The following SPTBN5 variants were observed in gnomAD, a reference collection of about 807,000 sequenced individuals.
SPTBN5 encodes spectrin beta chain, non-erythrocytic 5.
A neutral mutation model predicts 477.6 loss-of-function variants in SPTBN5; 513 were observed. The observed-to-expected ratio is 1.07, with a 90% CI of 1.00 to 1.16. SPTBN5 has a LOEUF of 1.16. Ranked by LOEUF, SPTBN5 falls within the 50% of genes most tolerant of loss-of-function variation. The pLI, the probability that SPTBN5 is intolerant of heterozygous loss-of-function variation, is 0.00. For synonymous variants in SPTBN5, 2,169 were observed against 2,011.7 expected (o/e 1.08, Z -2.09); for missense variants, 5,062 against 4,731.8 (o/e 1.07, Z -2.05).
Position 41,861,461 on chromosome 15 carries a change from C to T in SPTBN5, c.7773G>A (p.Trp2591Ter), listed in dbSNP as rs1373808310. The T allele has an allele frequency of 1.1e-5, 17 of 1,613,636 alleles. No individual in the cohort carries two copies. Among genetic ancestry groups the T allele is most frequent in the Non-Finnish European group, 1.4e-5 (17 of 1,179,898 alleles). ...FLSSVEKMER[W>*]LCSKEDSLAS... Reference sequence around the variant, plus strand: ...CTAGGGAGTCTTCCTTGCTGCAAAGCCAACGTTCCATCTTCTCCACTGAGC... The same window carrying T: ...CTAGGGAGTCTTCCTTGCTGCAAAGTCAACGTTCCATCTTCTCCACTGAGC... Residue 2591 changes from tryptophan to a stop codon, truncating the protein, a stop_gained, in exon 46 of 68, where the codon TGG (tryptophan) becomes TGA (stop). Transcript: ENST00000320955. LOFTEE classifies it high-confidence loss of function.
chr15:41,854,020 G>A (rs1293339494), intron 57 of SPTBN5, 30 bp downstream of exon 57: 1 of 1,537,590 alleles, frequency 6.5e-7, no homozygotes, highest in Non-Finnish European at 8.7e-7. Flanking sequence ...CAGGGGCTCA[G>A]ACAGGCAGGC....
chr15:41,887,936 A>G lies in SPTBN5; in HGVS notation c.651T>C (p.His217=), dbSNP rs369742771. Residue 217 remains histidine (H), a synonymous_variant, in exon 5 of 68, where the codon CAT becomes CAC. Coordinates refer to ENST00000320955, the MANE Select transcript of SPTBN5 (RefSeq NM_016642.4). ...CAAGGGTGGGGTCACACCTGTGGGCATGGATGAGGGCATTGAAGCCCAGCC... is the reference window on the plus strand; with the variant it reads ...CAAGGGTGGGGTCACACCTGTGGGCGTGGATGAGGGCATTGAAGCCCAGCC... ...SDGLGFNALI[H]AHRPDLLDYG... is the part of the protein sequence containing the mutation. The G allele has an allele frequency of 2.5e-5, 41 of 1,609,670 alleles. No homozygotes were observed. Among genetic ancestry groups the G allele is most frequent in the Non-Finnish European group, 3.4e-5 (40 of 1,178,436 alleles).
At chr15:41,850,492 A>G (rs551995483) in intron 66 of SPTBN5, 12 of 269,292 alleles carry the variant, frequency 4.5e-5, no homozygotes, top group African/African-American at 2.4e-4. Context: ...AGGTTAGAGA[A>G]GCACCCAGAT....
chr15:41,855,632 CTT>C lies in SPTBN5; in HGVS notation c.9133_9134del (p.Lys3045GlufsTer103), dbSNP rs1467181123. 2 of 1,609,834 alleles carry C rather than the reference CTT, an allele frequency of 1.2e-6. No individual in the cohort carries two copies. The highest frequency in any genetic ancestry group is 1.3e-5 in the African/African-American group (1 of 74,920). On this transcript the variant is annotated frameshift_variant, in exon 54 of 68. Transcript: ENST00000320955. LOFTEE classifies it high-confidence loss of function. ...GTGGGCTGAACGCTTCCAGGTCTCT[CTT>C]GGTGGCCTCCAGCCGCCGCAGAAGG... ...QALLRRLEAT[K>X]RDLEAFSPRI...
Position 41,870,273 on chromosome 15 carries a change from C to T in SPTBN5, c.5643G>A (p.Leu1881=), listed in dbSNP as rs1361165259. 7 of 1,552,756 alleles carry T rather than the reference C, an allele frequency of 4.5e-6. No individual in the cohort carries two copies. Among genetic ancestry groups the T allele is most frequent in the East Asian group, 4.9e-5 (2 of 41,110 alleles). The part of the protein sequence containing the change: ...LEAQLRSHQG[L]ERELVGTERQ... The stretch of plus-strand genomic sequence containing the variant: ...GCTCGGTGCCCACGAGTTCTCGCTC[C>T]AGCCCCTGGTGGCTTCTCAGCTGCG... Residue 1881 remains leucine, a synonymous_variant, in exon 31 of 68, where the codon CTG becomes CTA. Coordinates refer to ENST00000320955, the MANE Select transcript of SPTBN5 (RefSeq NM_016642.4).
chr15:41,873,373 T>G, intron 26 of SPTBN5, 119 bp downstream of exon 26: 1 of 768,396 alleles, frequency 1.3e-6, no homozygotes, highest in Non-Finnish European at 2.2e-6. Context: ...TGGGGCTGTC[T>G]GTGTCTCCAG....
In SPTBN5 at chr15:41,850,858, A is replaced by G. The variant is rs2065729379; in HGVS notation, c.10917T>C (p.Thr3639=). 6.3e-7 allele frequency: 1 copy of G among 1,595,438 alleles called. No individual in the cohort carries two copies. Among genetic ancestry groups the G allele is most frequent in the East Asian group, 2.3e-5 (1 of 43,832 alleles). The change falls in exon 66 of 68, where the codon ACT becomes ACC. Residue 3639 remains threonine, a synonymous_variant. Coordinates refer to ENST00000320955, the MANE Select transcript of SPTBN5 (RefSeq NM_016642.4). ...CATCCTTCCCCTGAAGCCCACCTGC[A>G]GTGCTGCCCAGGGCTCGCCACCAGC... The part of the protein sequence containing the change: ...AESWWRALGS[T]AAQSLSPKLK...
chr15:41,866,861 G>A (rs762145612), intron 36 of SPTBN5, 98 bp downstream of exon 36: 18 of 1,414,478 alleles, frequency 1.3e-5, no homozygotes, highest in Non-Finnish European at 1.6e-5. Flanking sequence ...ATCCACCCCC[G>A]AACCTGTTTC....
Position 41,848,642 on chromosome 15 carries a change from G to A in SPTBN5, c.11013-14C>T, listed in dbSNP as rs548669718. The A allele has an allele frequency of 8.1e-5, 131 of 1,613,790 alleles. No individual in the cohort carries two copies. Among genetic ancestry groups the A allele is most frequent in the Non-Finnish European group, 4.5e-5 (53 of 1,179,784 alleles). On this transcript the variant is annotated splice_polypyrimidine_tract_variant and intron_variant, in intron 67 of 67. Coordinates refer to ENST00000320955, the MANE Select transcript of SPTBN5 (RefSeq NM_016642.4). ...CAGGGATCAGACCTGTTGGGAAAAC[G>A]GAATGAATTTAGTAGGGTATGGCCA...
At position 41,874,370 on chromosome 15, in the gene SPTBN5, G is replaced by A. The variant is rs370544207; in HGVS notation, c.4611C>T (p.Ala1537=). The A allele has an allele frequency of 1.2e-5, 19 of 1,613,854 alleles. No homozygotes were observed. The highest frequency in any genetic ancestry group is 8.3e-5 in the Admixed American group (5 of 60,030). ...HLSNMELSWV[A]EHMPHGSPTS... is the part of the protein sequence containing the mutation. Reference sequence around the variant, plus strand: ...TGGGGCTGCCATGGGGCATGTGCTCGGCTACCCAAGAGAGCTCCATGTTGC... The same window carrying A: ...TGGGGCTGCCATGGGGCATGTGCTCAGCTACCCAAGAGAGCTCCATGTTGC... Residue 1537 remains alanine, a synonymous_variant, in exon 24 of 68, where the codon GCC becomes GCT. Transcript: ENST00000320955.
In SPTBN5 at chr15:41,868,478, C is replaced by T. The variant is rs2066416037; in HGVS notation, c.5977G>A (p.Glu1993Lys). 6.2e-7 allele frequency: 1 copy of T among 1,611,482 alleles called. No individual in the cohort carries two copies. Among genetic ancestry groups the T allele is most frequent in the Non-Finnish European group, 8.5e-7 (1 of 1,179,406 alleles). ...SAHQWLRAEL[E>K]AREKLWQQAT... The stretch of plus-strand genomic sequence containing the variant: ...TGCTGCCACAGCTTCTCCCGGGCCT[C>T]CAGCTCCGCCCGGAGCCACTGGTGG... Residue 1993 changes from glutamate (E) to lysine (K), a missense_variant, in exon 33 of 68, where the codon GAG (glutamate) becomes AAG (lysine). Transcript: ENST00000320955.
rs764041992 is a variant in SPTBN5 at position 41,874,369 on chromosome 15, C to T, written c.4612G>A (p.Glu1538Lys). The T allele has an allele frequency of 2.7e-5, 43 of 1,613,718 alleles. No homozygotes were observed. The East Asian group carries it at 6.9e-4, about 26-fold the overall frequency. ...LSNMELSWVA[E>K]HMPHGSPTSY... ...GTGGGGCTGCCATGGGGCATGTGCT[C>T]GGCTACCCAAGAGAGCTCCATGTTG... Residue 1538 changes from glutamate (E) to lysine (K), a missense_variant, in exon 24 of 68, where the codon GAG becomes AAG. Glu to Lys is a moderately conservative substitution (Grantham distance 56). Transcript: ENST00000320955.
rs756681059 is a variant in SPTBN5, at chr15:41,855,643, C to G, written c.9124G>C (p.Glu3042Gln). 13 of 1,608,096 alleles carry G rather than the reference C, an allele frequency of 8.1e-6. No individual in the cohort carries two copies. The highest frequency in any genetic ancestry group is 9.3e-6 in the Non-Finnish European group (11 of 1,178,958). ...GCTTCCAGGTCTCTCTTGGTGGCCT[C>G]CAGCCGCCGCAGAAGGGCCTGTGTG... ...EATQALLRRL[E>Q]ATKRDLEAFS... Residue 3042 changes from glutamate to glutamine, a missense_variant, in exon 54 of 68, where the codon GAG (glutamate) becomes CAG (glutamine). Physicochemically the swap from Glu to Gln is conservative, Grantham distance 29. Coordinates refer to ENST00000320955, the MANE Select transcript of SPTBN5 (RefSeq NM_016642.4).
At chr15:41,848,939 A>C (rs1006623427) in intron 67 of SPTBN5, among the ~76,000 whole-genome samples, 4 of 152,198 alleles carry the variant, frequency 2.6e-5, no homozygotes, top group African/African-American at 9.7e-5. Flanking sequence ...GTCCAGGACA[A>C]GGCCTGTCCC....
At chr15:41,856,785 A>G (rs1202520052) in intron 52 of SPTBN5, 68 bp downstream of exon 52, 1 of 1,459,520 alleles carries the variant, frequency 6.9e-7, no homozygotes. Context: ...GGCCACAGAG[A>G]GTGCCATTTC....
chr15:41,866,479 G>A lies in SPTBN5; in HGVS notation c.6495C>T (p.Ile2165=). 6.3e-7 allele frequency: 1 copy of A among 1,575,548 alleles called. No individual in the cohort carries two copies. Among genetic ancestry groups the A allele is most frequent in the Non-Finnish European group, 8.6e-7 (1 of 1,163,010 alleles). ...CCTTCAGCTGCTGGGCCCACGCCTG[G>A]ATCCAGTCCTCAGCCTGGTGGGGGT... The part of the protein sequence containing the change: ...TQAATQAEDW[I]QAWAQQLKEP... Residue 2165 remains isoleucine (I), a synonymous_variant, in exon 37 of 68, where the codon ATC becomes ATT. Transcript: ENST00000320955.
rs369835380 is a variant in SPTBN5 at position 41,855,092 on chromosome 15, A to T, written c.9424-116T>A. 30 of 1,432,696 alleles carry T rather than the reference A, an allele frequency of 2.1e-5. No individual in the cohort carries two copies. The African/African-American group carries it at 3.7e-4, about 18-fold the overall frequency. The allele number at this position is 1,432,696 out of a possible 1,614,324, so 88.7% of individuals were successfully genotyped here. The stretch of plus-strand genomic sequence containing the variant: ...GAAATCCCTCAGCCCAGGTTCTGGA[A>T]CCATCGGGATCCTCCCTAGGACACC... On this transcript the variant is annotated intron_variant, in intron 55 of 67. Coordinates refer to ENST00000320955, the MANE Select transcript of SPTBN5 (RefSeq NM_016642.4).
chr15:41,856,494 G>T lies in SPTBN5; in HGVS notation c.8913C>A (p.Ala2971=). 6.3e-7 allele frequency: 1 copy of T among 1,597,592 alleles called. No individual in the cohort carries two copies. Among genetic ancestry groups the T allele is most frequent in the Non-Finnish European group, 8.5e-7 (1 of 1,173,380 alleles). The change falls in exon 53 of 68, where the codon GCC becomes GCA. Residue 2971 remains alanine (A), a synonymous_variant. Transcript: ENST00000320955. The stretch of plus-strand genomic sequence containing the variant: ...CCTTCTCCAGCTGCTGCACCCGGGC[G>T]GCCACCTCGTGGGCGGCAAAGTGCC... ...QAGHFAAHEV[A]ARVQQLEKAM... is the part of the protein sequence containing the mutation.
rs542233513 is a variant in SPTBN5 at position 41,849,443 on chromosome 15, T to G, written c.11012+426A>C. ...GTTGGAACAAGGGTGGGGCAGGGTC[T>G]GGCCGTCCTGCCAATGTGCTGTGCC... On this transcript the variant is annotated intron_variant, in intron 67 of 67. Transcript: ENST00000320955. 2.0e-5 allele frequency among the ~76,000 whole-genome samples: 3 copies of G among 152,248 alleles called. No individual in the cohort carries two copies. The South Asian group carries it at 6.2e-4, about 32-fold the overall frequency.
Sources: gnomAD v4.1 joint callset for allele counts (sites outside exome capture counted in the v4.1 genomes callset) on GRCh38, gnomAD v4.1.1 for gene constraint, MANE v1.5 for transcripts, NCBI Gene and HGNC (gene_info 2026-07-23, HGNC 2026-07-21) for gene names.